The following PSPC1 variants were observed in gnomAD, a reference collection of about 807,000 sequenced individuals.
PSPC1 encodes paraspeckle component 1.
Under a neutral mutation model 51.6 loss-of-function variants are expected in PSPC1, and 14 were observed. The observed-to-expected ratio is 0.27, with a 90% CI of 0.18 to 0.42. The LOEUF (loss-of-function observed/expected upper bound fraction) is 0.42, where lower values mean the gene tolerates loss of function less well. PSPC1 is among the 10% of genes least tolerant of loss of function. The pLI is 1.00. For missense variants in PSPC1, 406 were observed against 701.1 expected (o/e 0.58, Z 4.75); for synonymous variants, 193 against 231.9 (o/e 0.83, Z 1.53).
chr13:19,725,891 T>C (rs1335674131), intron 6 of PSPC1, among the ~76,000 whole-genome samples: 3 of 152,140 alleles, frequency 2.0e-5, no homozygotes, highest in African/African-American at 7.2e-5. Flanking sequence ...CCATATGCAG[T>C]GGTAGGCAAC....
intron 1 of PSPC1, among the ~76,000 whole-genome samples, chr13:19,776,361 G>A (rs1033168673): frequency 2.6e-5 from 4 of 152,072 alleles, no homozygotes; most frequent in Admixed American, 6.6e-5. Flanking sequence ...AGCAACCTGA[G>A]GGGCTGAGGT....
At chr13:19,746,570 C>T (rs1054638094) in intron 4 of PSPC1, among the ~76,000 whole-genome samples, 3 of 150,190 alleles carry the variant, frequency 2.0e-5, no homozygotes, top group African/African-American at 7.4e-5. Flanking sequence ...ACCAAAAATA[C>T]AAAAATTAGC....
At chr13:19,778,120 T>C (rs1333803581) in intron 1 of PSPC1, among the ~76,000 whole-genome samples, 1 of 151,548 alleles carries the variant, frequency 6.6e-6, no homozygotes, top group African/African-American at 2.4e-5. Context: ...CATGCGCCTG[T>C]AGTCCCAGCT....
At chr13:19,688,837 T>TCTAAAC in intron 6 of PSPC1, among the ~76,000 whole-genome samples, 2 of 152,138 alleles carry the variant, frequency 1.3e-5, no homozygotes, top group South Asian at 4.1e-4. Flanking sequence ...ATAGATTGTT[T>TCTAAAC]AGAAACCATT....
chr13:19,767,791 ATG>A (rs1172396757), intron 2 of PSPC1, among the ~76,000 whole-genome samples: 1 of 152,206 alleles, frequency 6.6e-6, no homozygotes, highest in Non-Finnish European at 1.5e-5. Flanking sequence ...TCAAGAAAAC[ATG>A]AGAAAAGCTC....
intron 3 of PSPC1, among the ~76,000 whole-genome samples, chr13:19,757,574 G>C (rs940862572): frequency 1.3e-5 from 2 of 152,126 alleles, no homozygotes; most frequent in African/African-American, 4.8e-5. Flanking sequence ...TCACAATTCA[G>C]CTATAACAGG....
chr13:19,677,188 G>C (rs1489876684), intron 7 of PSPC1, among the ~76,000 whole-genome samples: 2 of 148,460 alleles, frequency 1.3e-5, no homozygotes, highest in African/African-American at 2.5e-5. Context: ...AGCCAAGATC[G>C]TGCCACTGCA....
At chr13:19,773,676 TGA>T (rs1566055339) in intron 1 of PSPC1, among the ~76,000 whole-genome samples, 1 of 151,992 alleles carries the variant, frequency 6.6e-6, no homozygotes. Context: ...GGGAGGTGTC[TGA>T]GACAGGGTCT....
chr13:19,728,248 A>G (rs188553190), intron 6 of PSPC1, among the ~76,000 whole-genome samples: 167 of 152,300 alleles, frequency 1.1e-3, no homozygotes, highest in Middle Eastern at 3.4e-3. Flanking sequence ...TAAAAGTCCC[A>G]TAACTCTTAG....
At position 19,772,557 on chromosome 13, in the gene PSPC1, A is replaced by G. The variant is rs745696275; in HGVS notation, c.373-14T>C. 78 of 1,564,438 alleles carry G rather than the reference A, an allele frequency of 5.0e-5. No individual in the cohort carries two copies. The highest frequency in any genetic ancestry group is 6.3e-5 in the Non-Finnish European group (73 of 1,157,162). On this transcript the variant is annotated splice_polypyrimidine_tract_variant and intron_variant, in intron 1 of 8. Coordinates refer to ENST00000338910, the MANE Select transcript of PSPC1 (RefSeq NM_001354909.2). ...GGTTCTGGATTCCTTTTTAGGAAGA[A>G]AAAACATTTTTAAAAGATGACAGTA...
At position 19,782,750 on chromosome 13, in the gene PSPC1, A is replaced by T; in HGVS notation, c.8T>A (p.Leu3Ter). 1 of 1,557,246 alleles carries T rather than the reference A, an allele frequency of 6.4e-7. No homozygotes were observed. The highest frequency in any genetic ancestry group is 8.6e-7 in the Non-Finnish European group (1 of 1,165,708). Residue 3 changes from leucine (L) to a stop codon, truncating the protein, a stop_gained, in exon 1 of 9, where the codon TTA (leucine) becomes TAA (stop). Transcript: ENST00000338910. LOFTEE classifies it high-confidence loss of function. This position sits in a 1 kb window ranked among gnomAD's most constrained non-coding sequence, Gnocchi z 4.5. MM[L>*]RGNLKQVRIE... is the part of the protein sequence containing the mutation. ...GCGCACTTGCTTCAGGTTTCCTCTT[A>T]ACATCATCTTACTGAGTTCGCCTCG... is the stretch of plus-strand genomic sequence containing the variant.
intron 6 of PSPC1, among the ~76,000 whole-genome samples, chr13:19,710,340 T>C (rs914053382): frequency 3.9e-5 from 6 of 152,218 alleles, no homozygotes; most frequent in African/African-American, 1.4e-4. Context: ...TTACCAACAA[T>C]AGTGACATAG....
chr13:19,738,164 A>G (rs527898529), intron 5 of PSPC1, among the ~76,000 whole-genome samples: 1 of 152,270 alleles, frequency 6.6e-6, no homozygotes, highest in South Asian at 2.1e-4. Context: ...ACACACATCT[A>G]TATTTCTGCA....
intron 2 of PSPC1, among the ~76,000 whole-genome samples, chr13:19,767,196 A>T (rs529310358): frequency 1.1e-4 from 16 of 152,218 alleles, no homozygotes; most frequent in Non-Finnish European, 2.2e-4. Flanking sequence ...AAAATGGAAA[A>T]GCAAGATCTA....
Position 19,782,028 on chromosome 13 carries a change from G to A in PSPC1, c.372+358C>T, listed in dbSNP as rs1405925593. Among the ~76,000 whole-genome samples, 10 of 152,282 alleles carry A rather than the reference G, an allele frequency of 6.6e-5. No individual in the cohort carries two copies. Among genetic ancestry groups the A allele is most frequent in the African/African-American group, 1.7e-4 (7 of 41,576 alleles). On this transcript the variant is annotated intron_variant, in intron 1 of 8. Transcript: ENST00000338910. The surrounding 1 kb of genome is among the most constrained non-coding windows in gnomAD (Gnocchi z 4.5). ...CAAAACGCTGCCCGCCCCTGTCCCC[G>A]GACCCTTTCGGTACCCGGGGCAACG...
rs764798164 is a variant in PSPC1 at position 19,759,430 on chromosome 13, T to A, written c.675-12A>T. The A allele has an allele frequency of 6.3e-7, 1 of 1,591,494 alleles. No individual in the cohort carries two copies. The highest frequency in any genetic ancestry group is 8.6e-7 in the Non-Finnish European group (1 of 1,163,860). On this transcript the variant is annotated splice_polypyrimidine_tract_variant and intron_variant, in intron 2 of 8. Transcript: ENST00000338910. The stretch of plus-strand genomic sequence containing the variant: ...CTGGACGAGGGGTCCTGGATAGGTA[T>A]AAAAGCATTCATAAAAATTAACACA...
chr13:19,763,831 T>A (rs377230500), intron 2 of PSPC1, among the ~76,000 whole-genome samples: 10 of 152,054 alleles, frequency 6.6e-5, no homozygotes, highest in African/African-American at 2.4e-4. Flanking sequence ...TAAAACCCCA[T>A]CTCTACTAAT....
At chr13:19,720,933 A>G (rs1453967675) in intron 6 of PSPC1, among the ~76,000 whole-genome samples, 1 of 152,158 alleles carries the variant, frequency 6.6e-6, no homozygotes, top group Non-Finnish European at 1.5e-5. Flanking sequence ...GTTTATAATT[A>G]TAATAATTAC....
At chr13:19,755,359 G>A (rs555520596) in intron 3 of PSPC1, among the ~76,000 whole-genome samples, 1 of 152,266 alleles carries the variant, frequency 6.6e-6, no homozygotes, top group African/African-American at 2.4e-5. Flanking sequence ...GGAGGCTGAC[G>A]CAGGCAGATC....
Sources: gnomAD v4.1 joint callset for allele counts (sites outside exome capture counted in the v4.1 genomes callset) on GRCh38, gnomAD v4.1.1 for gene constraint, Gnocchi (gnomAD v3.1) non-coding constraint, MANE v1.5 for transcripts, NCBI Gene and HGNC (gene_info 2026-07-23, HGNC 2026-07-21) for gene names.